The following SORCS2 variants were observed in gnomAD, a reference collection of about 807,000 sequenced individuals.
The protein encoded by SORCS2 is VPS10 domain-containing receptor SorCS2.
In SORCS2, 100 loss-of-function variants were observed where a neutral mutation model predicts 141.6. The ratio of observed to expected loss-of-function variants is 0.71; its 90% CI spans 0.60 to 0.83. The LOEUF is 0.83. Among genes scored for constraint, SORCS2 ranks in the 40% least tolerant of loss-of-function variants. The pLI is 0.00. For missense variants in SORCS2, 1,646 were observed against 1,560.2 expected (o/e 1.05, Z -0.93); for synonymous variants, 789 against 676.9 (o/e 1.17, Z -2.57).
intron 23 of SORCS2, among the ~76,000 whole-genome samples, chr4:7,732,996 C>G (rs1050998061): frequency 2.7e-5 from 4 of 149,326 alleles, no homozygotes; most frequent in African/African-American, 9.9e-5. Flanking sequence ...CCCCCCAACT[C>G]TCCCCTACTT....
intron 3 of SORCS2, among the ~76,000 whole-genome samples, chr4:7,574,088 G>A (rs1715582386): frequency 6.6e-6 from 1 of 152,236 alleles, no homozygotes. Context: ...TCTCTTCACA[G>A]CATTTGTCAT....
intron 2 of SORCS2, among the ~76,000 whole-genome samples, chr4:7,440,305 G>C (rs535918501): frequency 6.6e-6 from 1 of 152,214 alleles, no homozygotes; most frequent in Non-Finnish European, 1.5e-5. Flanking sequence ...AATTGTTCTG[G>C]GGGGACAGAG....
chr4:7,674,616 C>G (rs376148243), intron 8 of SORCS2, among the ~76,000 whole-genome samples: 146 of 148,716 alleles, frequency 9.8e-4, no homozygotes, highest in African/African-American at 3.4e-3. Flanking sequence ...GCAACCCTCT[C>G]CTTTTCTGCA....
rs141035326 is a variant in SORCS2, at chr4:7,372,160, C to T, written c.481-24128C>T. ...GCTTTGGATCTGGGCACCCCAGAAG[C>T]CAGAAGGTGTGTGGATGATGCGTGT... On this transcript the variant is annotated intron_variant, in intron 1 of 26. Coordinates refer to ENST00000507866, the MANE Select transcript of SORCS2 (RefSeq NM_020777.3). 6.9e-4 allele frequency among the ~76,000 whole-genome samples: 105 copies of T among 152,200 alleles called. 1 individual carries two copies. The highest frequency in any genetic ancestry group is 2.5e-3 in the African/African-American group (102 of 41,516).
At chr4:7,477,871 G>A (rs1037673300) in intron 2 of SORCS2, among the ~76,000 whole-genome samples, 3 of 152,202 alleles carry the variant, frequency 2.0e-5, no homozygotes, top group African/African-American at 7.2e-5. Context: ...GAGTCCCCGA[G>A]TAGAGGGTGG....
rs1714069493 is a variant in SORCS2 at position 7,258,428 on chromosome 4, A to C, written c.480+65302A>C. On this transcript the variant is annotated intron_variant, in intron 1 of 26. Transcript: ENST00000507866. ...TTTCTGATCTTGTGATAGTTTGCTG[A>C]GAATGATGGTTTCTAGCTTCATCCA... Among the ~76,000 whole-genome samples the C allele has an allele frequency of 5.3e-5, 8 of 152,310 alleles. No individual in the cohort carries two copies. In the South Asian group the frequency reaches 1.5e-3, roughly 28 times the overall value.
intron 1 of SORCS2, among the ~76,000 whole-genome samples, chr4:7,199,625 G>A (rs927245734): frequency 1.3e-5 from 2 of 152,024 alleles, no homozygotes; most frequent in African/African-American, 4.8e-5. Flanking sequence ...TGGGTGGGGC[G>A]GGCCGCTCTG....
At chr4:7,490,526 G>T (rs1393823967) in intron 2 of SORCS2, among the ~76,000 whole-genome samples, 1 of 152,174 alleles carries the variant, frequency 6.6e-6, no homozygotes, top group African/African-American at 2.4e-5. Flanking sequence ...AGGGAGGTGG[G>T]GCTGCCTTGG....
intron 17 of SORCS2, among the ~76,000 whole-genome samples, chr4:7,717,604 G>T (rs969606962): frequency 1.3e-5 from 2 of 152,190 alleles, no homozygotes; most frequent in African/African-American, 4.8e-5. Flanking sequence ...AGCCAGTGGC[G>T]AGGTGGAGGC....
chr4:7,708,380 G>T lies in SORCS2; in HGVS notation c.1868+4096G>T, dbSNP rs186050815. Among the ~76,000 whole-genome samples, 62 of 152,302 alleles carry T rather than the reference G, an allele frequency of 4.1e-4. 1 individual carries two copies. The highest frequency in any genetic ancestry group is 3.5e-3 in the Admixed American group (53 of 15,308). On this transcript the variant is annotated intron_variant, in intron 14 of 26. Coordinates refer to ENST00000507866, the MANE Select transcript of SORCS2 (RefSeq NM_020777.3). ...AGCTCTGCTTCCCAGCTGGGGTCCC[G>T]GGTGGGTGGGAGCGTTATTCCCAAG...
intron 2 of SORCS2, among the ~76,000 whole-genome samples, chr4:7,422,300 A>G (rs1014703724): frequency 6.6e-6 from 1 of 152,094 alleles, no homozygotes; most frequent in Admixed American, 6.5e-5. Context: ...CTCTGGGACA[A>G]GGGGCCCCCA....
At chr4:7,403,306 G>GTTTAT (rs1724715960) in intron 2 of SORCS2, among the ~76,000 whole-genome samples, 2 of 152,134 alleles carry the variant, frequency 1.3e-5, no homozygotes, top group Non-Finnish European at 2.9e-5. Flanking sequence ...GACTCGAGCT[G>GTTTAT]ACAGGAACAG....
Position 7,449,628 on chromosome 4 carries a change from A to G in SORCS2, c.548+53273A>G, listed in dbSNP as rs533028546. Among the ~76,000 whole-genome samples, 9 of 151,780 alleles carry G rather than the reference A, an allele frequency of 5.9e-5. No homozygotes were observed. In the East Asian group the frequency reaches 1.6e-3, roughly 27 times the overall value. On this transcript the variant is annotated intron_variant, in intron 2 of 26. Transcript: ENST00000507866. Reference sequence around the variant, plus strand: ...GCTGGGGGCTGCCATGTGTTTGTTCATGGATTCACGTTGGGTGGGCTTGGC... The same window carrying G: ...GCTGGGGGCTGCCATGTGTTTGTTCGTGGATTCACGTTGGGTGGGCTTGGC...
chr4:7,345,984 G>T (rs995165123), intron 1 of SORCS2, among the ~76,000 whole-genome samples: 2 of 152,094 alleles, frequency 1.3e-5, no homozygotes, highest in Non-Finnish European at 2.9e-5. Flanking sequence ...TACCATTTCT[G>T]TTGATTTTCT....
intron 3 of SORCS2, among the ~76,000 whole-genome samples, chr4:7,635,857 A>G (rs1280147910): frequency 6.6e-6 from 1 of 152,230 alleles, no homozygotes; most frequent in Non-Finnish European, 1.5e-5. Context: ...GTGTGCTGGC[A>G]GAGCAGGGTT....
At chr4:7,629,570 G>A (rs34339711) in intron 3 of SORCS2, among the ~76,000 whole-genome samples, 46,571 of 138,372 alleles carry the variant, frequency 0.34, 7,994 homozygotes, top group East Asian at 0.74. Context: ...AACCCCCCTC[G>A]CTCCCCACCC....
intron 1 of SORCS2, among the ~76,000 whole-genome samples, chr4:7,261,690 G>A (rs553674386): frequency 1.6e-4 from 24 of 152,214 alleles, no homozygotes; most frequent in Non-Finnish European, 2.6e-4. Flanking sequence ...CAGGCTGCTC[G>A]GCAAGCTGCC....
At chr4:7,357,090 G>A (rs960519508) in intron 1 of SORCS2, among the ~76,000 whole-genome samples, 4 of 152,146 alleles carry the variant, frequency 2.6e-5, no homozygotes, top group African/African-American at 9.7e-5. Flanking sequence ...GCTCACTACG[G>A]CCTGGGGTCC....
intron 3 of SORCS2, among the ~76,000 whole-genome samples, chr4:7,545,961 G>A (rs542106869): frequency 4.3e-4 from 66 of 152,296 alleles, no homozygotes; most frequent in Non-Finnish European, 7.5e-4. Flanking sequence ...CTAGTTTACA[G>A]GTGGCTGCCT....
Sources: allele counts gnomAD v4.1 joint callset (sites outside exome capture counted in the v4.1 genomes callset), GRCh38; gene constraint gnomAD v4.1.1; transcripts MANE v1.5; gene names NCBI Gene and HGNC (gene_info 2026-07-23, HGNC 2026-07-21).